The following EGFLAM variants were observed in gnomAD, a reference collection of about 807,000 sequenced individuals.
The protein encoded by EGFLAM is EGF like, fibronectin type III and laminin G domains.
A neutral mutation model predicts 113.1 loss-of-function variants in EGFLAM; 79 were observed. That is an observed-to-expected ratio of 0.70 (90% confidence interval 0.58 to 0.84). EGFLAM has a LOEUF of 0.84. Among genes scored for constraint, EGFLAM ranks in the 40% least tolerant of loss-of-function variants. The pLI is 0.00. For missense variants in EGFLAM, 1,265 were observed against 1,291.6 expected, an observed-to-expected ratio of 0.98 and a Z score of 0.32; for synonymous variants, 504 against 487.6, an observed-to-expected ratio of 1.03 and a Z score of -0.44.
Position 38,423,053 on chromosome 5 carries a change from C to T in EGFLAM, c.1685-1914C>T, listed in dbSNP as rs560650269. 2.6e-5 allele frequency among the ~76,000 whole-genome samples: 4 copies of T among 152,282 alleles called. No individual in the cohort carries two copies. In the East Asian group the frequency reaches 7.7e-4, roughly 29 times the overall value. ...TACCAGCACTGGGTATTTCCACAGTCACCTTAGACTTAAATCCAACCAAAG... is the reference window on the plus strand; with the variant it reads ...TACCAGCACTGGGTATTTCCACAGTTACCTTAGACTTAAATCCAACCAAAG... On this transcript the variant is annotated intron_variant, in intron 12 of 21. Transcript: ENST00000322350.
intron 1 of EGFLAM, among the ~76,000 whole-genome samples, chr5:38,316,808 C>T (rs1195511235): frequency 2.0e-5 from 3 of 152,144 alleles, no homozygotes; most frequent in Admixed American, 2.0e-4. Flanking sequence ...CAGTCTGCTC[C>T]TCAACCTCAA....
intron 6 of EGFLAM, among the ~76,000 whole-genome samples, chr5:38,402,637 A>C (rs1741151469): frequency 6.6e-6 from 1 of 152,180 alleles, no homozygotes; most frequent in African/African-American, 2.4e-5. Flanking sequence ...AACTACTCTT[A>C]ACTCAGTTTT....
intron 19 of EGFLAM, among the ~76,000 whole-genome samples, chr5:38,454,270 T>C (rs1190997009): frequency 2.0e-5 from 3 of 152,142 alleles, no homozygotes; most frequent in African/African-American, 4.8e-5. Flanking sequence ...CGGGTCTGAT[T>C]AGAAACAAGC....
rs185493915 is a variant in EGFLAM at position 38,421,966 on chromosome 5, A to C, written c.1685-3001A>C. Among the ~76,000 whole-genome samples, 6 of 152,264 alleles carry C rather than the reference A, an allele frequency of 3.9e-5. No individual in the cohort carries two copies. In the East Asian group the frequency reaches 1.2e-3, roughly 29 times the overall value. Reference sequence around the variant, plus strand: ...GATACATGTAGACCAGCTGAGGTCTATTGCAGTAGGTCACATGACAAATAA... The same window carrying C: ...GATACATGTAGACCAGCTGAGGTCTCTTGCAGTAGGTCACATGACAAATAA... On this transcript the variant is annotated intron_variant, in intron 12 of 21. Transcript: ENST00000322350.
chr5:38,336,309 C>T (rs1040807548), intron 1 of EGFLAM, among the ~76,000 whole-genome samples: 6 of 152,118 alleles, frequency 3.9e-5, no homozygotes, highest in Admixed American at 3.9e-4. Context: ...TGCGGTGGCT[C>T]ACGCCTGTAA....
chr5:38,453,775 C>T (rs1210647758), intron 19 of EGFLAM, among the ~76,000 whole-genome samples: 1 of 152,148 alleles, frequency 6.6e-6, no homozygotes, highest in African/African-American at 2.4e-5. Context: ...GAAACAGAAG[C>T]TCAGCTGTGG....
chr5:38,422,017 G>A (rs1561082758), intron 12 of EGFLAM, among the ~76,000 whole-genome samples: 1 of 152,114 alleles, frequency 6.6e-6, no homozygotes, highest in East Asian at 1.9e-4. Context: ...GGTGGTGGTG[G>A]TAGAAACAGA....
At chr5:38,406,784 A>G in intron 7 of EGFLAM, 44 bp from the exon 8 acceptor site, 4 of 1,561,880 alleles carry the variant, frequency 2.6e-6, no homozygotes, top group Non-Finnish European at 3.5e-6. Flanking sequence ...TCCAATTGCC[A>G]TGCTCTGTGT....
intron 3 of EGFLAM, among the ~76,000 whole-genome samples, chr5:38,342,575 A>G (rs1048141942): frequency 2.6e-5 from 4 of 152,226 alleles, no homozygotes; most frequent in Admixed American, 2.6e-4. Context: ...TCTGCCTTAT[A>G]GTAGCTTTCA....
chr5:38,352,082 TTTATGTA>T, intron 4 of EGFLAM, 107 bp from the exon 5 acceptor site: 1 of 1,470,872 alleles, frequency 6.8e-7, no homozygotes, highest in African/African-American at 1.4e-5. Flanking sequence ...ACTCGAGCTG[TTTATGTA>T]TTATATTAAA....
Position 38,449,171 on chromosome 5 carries a change from A to G in EGFLAM, c.2543+792A>G, listed in dbSNP as rs919609236. On this transcript the variant is annotated intron_variant, in intron 18 of 21. Coordinates refer to ENST00000322350, the MANE Select transcript of EGFLAM (RefSeq NM_152403.4). ...TATTCCCCTTTCTGCTCCCCACACAATCATTCTGGGATTTTCCTTCCTCTT... is the reference window on the plus strand; with the variant it reads ...TATTCCCCTTTCTGCTCCCCACACAGTCATTCTGGGATTTTCCTTCCTCTT... Among the ~76,000 whole-genome samples the G allele has an allele frequency of 3.9e-5, 6 of 151,978 alleles. No individual in the cohort carries two copies. In the East Asian group the frequency reaches 5.8e-4, roughly 15 times the overall value.
chr5:38,287,030 A>G lies in EGFLAM; in HGVS notation c.97+28179A>G, dbSNP rs144221676. Among the ~76,000 whole-genome samples, 538 of 152,340 alleles carry G rather than the reference A, an allele frequency of 3.5e-3. 9 individuals are homozygous for G. The South Asian group carries it at 0.046, about 13-fold the overall frequency. The stretch of plus-strand genomic sequence containing the variant: ...GAGGGCAATGATAGAAACACAGGAA[A>G]TTGACAGATTATGATAACAATAGCT... On this transcript the variant is annotated intron_variant, in intron 1 of 21. Coordinates refer to ENST00000322350, the MANE Select transcript of EGFLAM (RefSeq NM_152403.4).
At chr5:38,444,639 G>A (rs1434072341) in intron 17 of EGFLAM, among the ~76,000 whole-genome samples, 1 of 152,000 alleles carries the variant, frequency 6.6e-6, no homozygotes, top group African/African-American at 2.4e-5. Flanking sequence ...TAGGTATAGG[G>A]TTAGGTTAAA....
At chr5:38,462,244 T>C (rs949678021) in intron 20 of EGFLAM, among the ~76,000 whole-genome samples, 2 of 152,184 alleles carry the variant, frequency 1.3e-5, no homozygotes, top group Non-Finnish European at 2.9e-5. Context: ...CTACAAAAAC[T>C]GCTTCATTGG....
chr5:38,312,482 C>T (rs1318755667), intron 1 of EGFLAM, among the ~76,000 whole-genome samples: 1 of 152,002 alleles, frequency 6.6e-6, no homozygotes, highest in Non-Finnish European at 1.5e-5. Flanking sequence ...CCTCGTGATC[C>T]GCCCGCCTCG....
chr5:38,402,471 G>GTGGAAA (rs1280455206), intron 6 of EGFLAM, among the ~76,000 whole-genome samples: 6 of 152,026 alleles, frequency 3.9e-5, no homozygotes, highest in Non-Finnish European at 8.8e-5. Context: ...CACTAAGAAT[G>GTGGAAA]ATCAACATAT....
At chr5:38,427,598 A>G (rs1237123733) in intron 14 of EGFLAM, among the ~76,000 whole-genome samples, 1 of 152,240 alleles carries the variant, frequency 6.6e-6, no homozygotes, top group Non-Finnish European at 1.5e-5. Flanking sequence ...AACTGTAACT[A>G]GTCAGCATCT....
intron 12 of EGFLAM, among the ~76,000 whole-genome samples, chr5:38,421,063 G>T (rs77586706): frequency 6.6e-6 from 1 of 152,172 alleles, no homozygotes; most frequent in Non-Finnish European, 1.5e-5. Context: ...TCAAGTTTTT[G>T]TAAGTCAAAC....
At chr5:38,320,960 A>C (rs1310121173) in intron 1 of EGFLAM, among the ~76,000 whole-genome samples, 1 of 152,018 alleles carries the variant, frequency 6.6e-6, no homozygotes, top group East Asian at 1.9e-4. Context: ...CCTTTTTGAC[A>C]CCAGGGGCTG....
Sources: allele counts gnomAD v4.1 joint callset (sites outside exome capture counted in the v4.1 genomes callset), GRCh38; gene constraint gnomAD v4.1.1; transcripts MANE v1.5; gene names NCBI Gene and HGNC (gene_info 2026-07-23, HGNC 2026-07-21).